The following MMP26 variants were observed in gnomAD, a reference collection of about 807,000 sequenced individuals.
MMP26 encodes matrix metallopeptidase 26, also known as matrix metalloproteinase-26.
MMP26 carries 33 observed loss-of-function variants against 31.0 expected under a neutral mutation model. That is an observed-to-expected ratio of 1.06 (90% confidence interval 0.81 to 1.42). The LOEUF is 1.42. Ranked by LOEUF, MMP26 falls within the 40% of genes most tolerant of loss-of-function variation. The pLI, the probability that MMP26 is intolerant of heterozygous loss-of-function variation, is 0.00. For missense variants in MMP26, 347 were observed against 316.1 expected, an observed-to-expected ratio of 1.10 and a Z score of -0.74; for synonymous variants, 122 against 114.9, an observed-to-expected ratio of 1.06 and a Z score of -0.40.
intron 2 of MMP26, chr11:4,849,015 C>T (rs560546339): frequency 4.5e-5 from 73 of 1,614,012 alleles, no homozygotes; most frequent in East Asian, 1.1e-4. Flanking sequence ...GTGCATTGGG[C>T]GGTGCAGGGC....
intron 1 of MMP26, among the ~76,000 whole-genome samples, chr11:4,714,155 A>G (rs1015654229): frequency 2.0e-5 from 3 of 152,202 alleles, no homozygotes; most frequent in Admixed American, 6.5e-5. Flanking sequence ...TGCATTTACG[A>G]AAAACATTAC....
intron 2 of MMP26, among the ~76,000 whole-genome samples, chr11:4,983,405 G>A (rs1000677573): frequency 1.3e-5 from 2 of 152,148 alleles, no homozygotes; most frequent in African/African-American, 4.8e-5. Context: ...TCATGACAAT[G>A]GCATCAATTT....
intron 2 of MMP26, chr11:4,848,125 A>G (rs1849900974): frequency 8.8e-7 from 1 of 1,137,282 alleles, no homozygotes. Flanking sequence ...CTACATGCAC[A>G]TATATGCACT....
At chr11:4,783,201 A>G (rs1432578569) in intron 2 of MMP26, among the ~76,000 whole-genome samples, 1 of 152,254 alleles carries the variant, frequency 6.6e-6, no homozygotes, top group African/African-American at 2.4e-5. Context: ...GAAAGCAACC[A>G]GGTGGGAGGA....
intron 1 of MMP26, among the ~76,000 whole-genome samples, chr11:4,741,862 G>A (rs969166178): frequency 6.6e-6 from 1 of 152,070 alleles, no homozygotes; most frequent in African/African-American, 2.4e-5. Flanking sequence ...AAAAAGGGAC[G>A]CTTGGAAGTT....
chr11:4,966,404 C>T (rs1466111108), intron 2 of MMP26, among the ~76,000 whole-genome samples: 1 of 152,138 alleles, frequency 6.6e-6, no homozygotes, highest in African/African-American at 2.4e-5. Flanking sequence ...GATCAGGCAT[C>T]ATCGGGGGAA....
chr11:4,715,743 A>G (rs1847921592), intron 1 of MMP26, among the ~76,000 whole-genome samples: 1 of 152,194 alleles, frequency 6.6e-6, no homozygotes, highest in East Asian at 1.9e-4. Context: ...GTAGAATTCT[A>G]AAAGGGCTCT....
chr11:4,862,078 T>C (rs1026410730), intron 2 of MMP26, among the ~76,000 whole-genome samples: 1 of 152,146 alleles, frequency 6.6e-6, no homozygotes, highest in African/African-American at 2.4e-5. Context: ...TATATCCAGA[T>C]ATTTATGTTT....
intron 2 of MMP26, among the ~76,000 whole-genome samples, chr11:4,966,236 A>G (rs984364460): frequency 1.3e-5 from 2 of 152,186 alleles, no homozygotes; most frequent in Non-Finnish European, 2.9e-5. Flanking sequence ...AAGGAAAAGG[A>G]GGACTTTATA....
At chr11:4,925,126 T>C (rs1174294938) in intron 2 of MMP26, among the ~76,000 whole-genome samples, 1 of 152,180 alleles carries the variant, frequency 6.6e-6, no homozygotes, top group Non-Finnish European at 1.5e-5. Context: ...AGTTCTATCT[T>C]GTAAGTTCTA....
intron 2 of MMP26, chr11:4,890,314 AG>A (rs1850600611): frequency 6.4e-6 from 1 of 156,298 alleles, no homozygotes; most frequent in African/African-American, 2.4e-5. Context: ...GCATTTGAGG[AG>A]ATTCCTGTGG....
At chr11:4,815,978 G>T (rs1040754762) in intron 2 of MMP26, among the ~76,000 whole-genome samples, 1 of 152,136 alleles carries the variant, frequency 6.6e-6, no homozygotes, top group Non-Finnish European at 1.5e-5. Flanking sequence ...TATAATTTGA[G>T]ATCTTTCTAC....
intron 2 of MMP26, among the ~76,000 whole-genome samples, chr11:4,963,933 T>A (rs984049906): frequency 3.9e-5 from 6 of 152,196 alleles, no homozygotes; most frequent in Non-Finnish European, 5.9e-5. Context: ...TATCTATTCA[T>A]GTCCTTTGAC....
intron 2 of MMP26, among the ~76,000 whole-genome samples, chr11:4,957,810 C>G (rs569300179): frequency 6.6e-6 from 1 of 152,192 alleles, no homozygotes; most frequent in South Asian, 2.1e-4. Flanking sequence ...TCCCAAGTAG[C>G]TGGGACTACA....
intron 2 of MMP26, among the ~76,000 whole-genome samples, chr11:4,881,256 C>T (rs1226015261): frequency 6.6e-6 from 1 of 152,126 alleles, no homozygotes; most frequent in African/African-American, 2.4e-5. Flanking sequence ...CTCCTCTCCT[C>T]TTACCGCCTT....
chr11:4,788,651 A>G (rs948337483), intron 2 of MMP26, among the ~76,000 whole-genome samples: 5 of 152,156 alleles, frequency 3.3e-5, no homozygotes, highest in Non-Finnish European at 2.9e-5. Context: ...GGCATTGTCA[A>G]AAGAAAAACA....
At chr11:4,837,512 TA>T (rs2133485667) in intron 2 of MMP26, among the ~76,000 whole-genome samples, 1 of 152,252 alleles carries the variant, frequency 6.6e-6, no homozygotes, top group Non-Finnish European at 1.5e-5. Context: ...CACTTATATT[TA>T]AAATATAAAC....
intron 2 of MMP26, among the ~76,000 whole-genome samples, chr11:4,881,098 GTTGAGAAAACCT>G (rs1850454886): frequency 6.6e-6 from 1 of 152,154 alleles, no homozygotes; most frequent in African/African-American, 2.4e-5. Flanking sequence ...AGCCAGCAAT[GTTGAGAAAACCT>G]TGATAAATTT....
intron 2 of MMP26, among the ~76,000 whole-genome samples, chr11:4,812,955 C>T (rs1849369571): frequency 6.7e-6 from 1 of 150,040 alleles, no homozygotes; most frequent in African/African-American, 2.5e-5. Flanking sequence ...TTTTTTTTTC[C>T]ACAGATATTT....
Sources: gnomAD v4.1 joint callset for allele counts (sites outside exome capture counted in the v4.1 genomes callset) on GRCh38, gnomAD v4.1.1 for gene constraint, MANE v1.5 for transcripts, NCBI Gene and HGNC (gene_info 2026-07-23, HGNC 2026-07-21) for gene names.